Variants in MYT1L observed in about 807,000 individuals in gnomAD.
MYT1L encodes the protein myelin transcription factor 1-like protein.
MYT1L carries 12 observed loss-of-function variants against 126.7 expected under a neutral mutation model. That is an observed-to-expected ratio of 0.09 (90% confidence interval 0.06 to 0.15). The LOEUF is 0.15. MYT1L is among the 10% of genes least tolerant of loss of function. The probability of loss-of-function intolerance (pLI) is 1.00; values close to 1 mark genes in which losing one functional copy is unlikely to be tolerated. For missense variants in MYT1L, 979 were observed against 1,585.2 expected (o/e 0.62, Z 6.49); for synonymous variants, 541 against 604.2 (o/e 0.90, Z 1.53).
intron 3 of MYT1L, among the ~76,000 whole-genome samples, chr2:2,066,885 A>G (rs973299144): frequency 1.3e-5 from 2 of 152,230 alleles, no homozygotes; most frequent in African/African-American, 4.8e-5. Context: ...AAAACCAGTA[A>G]CACATTTAAC....
chr2:2,084,104 G>A (rs999378494), intron 3 of MYT1L, among the ~76,000 whole-genome samples: 7 of 151,092 alleles, frequency 4.6e-5, no homozygotes, highest in African/African-American at 1.7e-4. Context: ...AAGCCCATGT[G>A]CTGATGACTT....
chr2:2,008,585 C>A (rs1218722307), intron 4 of MYT1L, among the ~76,000 whole-genome samples: 2 of 152,046 alleles, frequency 1.3e-5, no homozygotes, highest in Admixed American at 6.5e-5. Context: ...GGATATTAAC[C>A]CCTTATCAGA....
At chr2:1,896,363 T>C (rs2049564617) in intron 14 of MYT1L, among the ~76,000 whole-genome samples, 1 of 152,196 alleles carries the variant, frequency 6.6e-6, no homozygotes, top group Non-Finnish European at 1.5e-5. Context: ...TAGATCGTTG[T>C]ACCAGAAAGA....
At position 1,888,660 on chromosome 2, in the gene MYT1L, A is replaced by G. The variant is rs1390160812; in HGVS notation, c.2520+581T>C. On this transcript the variant is annotated intron_variant, in intron 16 of 24. Transcript: ENST00000647738. Reference sequence around the variant, plus strand: ...CCTAAAGGGCATTATATCTATTTTAATAACCTGAATTTGAACACTGTAGCT... The same window carrying G: ...CCTAAAGGGCATTATATCTATTTTAGTAACCTGAATTTGAACACTGTAGCT... 2.0e-5 allele frequency among the ~76,000 whole-genome samples: 3 copies of G among 152,212 alleles called. No homozygotes were observed. The South Asian group carries it at 6.2e-4, about 32-fold the overall frequency.
At chr2:1,973,433 CTT>C (rs1468181051) in intron 8 of MYT1L, among the ~76,000 whole-genome samples, 1 of 152,112 alleles carries the variant, frequency 6.6e-6, no homozygotes, top group African/African-American at 2.4e-5. Flanking sequence ...CTAACTTGCA[CTT>C]TGTTTTTAAC....
At chr2:2,110,336 T>A (rs1293472969) in intron 3 of MYT1L, among the ~76,000 whole-genome samples, 1 of 152,138 alleles carries the variant, frequency 6.6e-6, no homozygotes, top group Non-Finnish European at 1.5e-5. Flanking sequence ...CATTTATCTG[T>A]TCCCCTTTAT....
intron 3 of MYT1L, among the ~76,000 whole-genome samples, chr2:2,098,152 T>C (rs1401162847): frequency 6.6e-6 from 1 of 152,178 alleles, no homozygotes; most frequent in Non-Finnish European, 1.5e-5. Context: ...CAGCCTCAGA[T>C]ATTCCTTTGT....
At chr2:1,800,817 A>G (rs2034710659) in intron 23 of MYT1L, among the ~76,000 whole-genome samples, 1 of 152,016 alleles carries the variant, frequency 6.6e-6, no homozygotes, top group Non-Finnish European at 1.5e-5. Flanking sequence ...TTCCCAGCAA[A>G]CCGAGCAACC....
chr2:1,882,026 T>C (rs1573183683), intron 18 of MYT1L, among the ~76,000 whole-genome samples: 1 of 152,300 alleles, frequency 6.6e-6, no homozygotes, highest in East Asian at 1.9e-4. Flanking sequence ...AACTGGGCAG[T>C]CCAACCACCT....
intron 3 of MYT1L, among the ~76,000 whole-genome samples, chr2:2,139,812 A>G (rs1367178595): frequency 6.6e-6 from 1 of 152,202 alleles, no homozygotes; most frequent in African/African-American, 2.4e-5. Context: ...AAACAAAACT[A>G]TAATTTTGAG....
At chr2:2,295,701 G>C (rs1334430264) in intron 1 of MYT1L, among the ~76,000 whole-genome samples, 24 of 132,526 alleles carry the variant, frequency 1.8e-4, no homozygotes, top group African/African-American at 2.9e-4. Context: ...GAGAGAGAGA[G>C]AGACAGACAG....
At chr2:2,261,905 A>T (rs185067001) in intron 2 of MYT1L, among the ~76,000 whole-genome samples, 1 of 152,228 alleles carries the variant, frequency 6.6e-6, no homozygotes, top group Non-Finnish European at 1.5e-5. Context: ...TAAAAAATAC[A>T]CAGGGAAACA....
chr2:2,061,595 C>T (rs2070501664), intron 3 of MYT1L, among the ~76,000 whole-genome samples: 1 of 152,114 alleles, frequency 6.6e-6, no homozygotes, highest in Admixed American at 6.5e-5. Flanking sequence ...CGCTGAAGAA[C>T]TTTGATGCCC....
chr2:2,054,148 T>A (rs2069174552), intron 3 of MYT1L, 25 bp from the exon 4 acceptor site: 1 of 152,660 alleles, frequency 6.6e-6, no homozygotes, highest in African/African-American at 2.4e-5. Context: ...AAAGGCAGAA[T>A]AATGAGGCTG....
At chr2:2,283,510 A>G (rs1451682207) in intron 2 of MYT1L, among the ~76,000 whole-genome samples, 1 of 152,214 alleles carries the variant, frequency 6.6e-6, no homozygotes, top group African/African-American at 2.4e-5. Context: ...TGTGTAGCAA[A>G]TAGAGGACAT....
chr2:2,272,422 C>A (rs1343569956), intron 2 of MYT1L, among the ~76,000 whole-genome samples: 1 of 152,198 alleles, frequency 6.6e-6, no homozygotes, highest in Non-Finnish European at 1.5e-5. Flanking sequence ...GGGTGGGTGT[C>A]TTCCCTTTAC....
chr2:1,828,385 T>C (rs1456118469), intron 21 of MYT1L: 5 of 152,164 alleles, frequency 3.3e-5, no homozygotes, highest in Admixed American at 3.3e-4. Flanking sequence ...GGGGTGGTTT[T>C]TACAGATGGA....
chr2:1,986,276 G>A lies in MYT1L; in HGVS notation c.1-6499C>T, dbSNP rs115099759. 1.8e-3 allele frequency among the ~76,000 whole-genome samples: 280 copies of A among 152,234 alleles called. 2 individuals are homozygous for A. Among genetic ancestry groups the A allele is most frequent in the African/African-American group, 6.6e-3 (273 of 41,526 alleles). On this transcript the variant is annotated intron_variant, in intron 5 of 24. Coordinates refer to ENST00000647738, the MANE Select transcript of MYT1L (RefSeq NM_001303052.2). The stretch of plus-strand genomic sequence containing the variant: ...CCACATGCAGCCAGAAGACACCTAC[G>A]CCTCTATTTCCACATGCATGGTGGG...
intron 2 of MYT1L, among the ~76,000 whole-genome samples, chr2:2,184,513 T>C (rs1332861783): frequency 1.3e-5 from 2 of 152,206 alleles, no homozygotes; most frequent in Non-Finnish European, 2.9e-5. Flanking sequence ...AGTAGCATGC[T>C]TTTAAAAATT....
Sources: gnomAD v4.1 joint callset for allele counts (sites outside exome capture counted in the v4.1 genomes callset) on GRCh38, gnomAD v4.1.1 for gene constraint, MANE v1.5 for transcripts, NCBI Gene and HGNC (gene_info 2026-07-23, HGNC 2026-07-21) for gene names.